The following MYO1H variants were observed in gnomAD, a reference collection of about 807,000 sequenced individuals.
MYO1H encodes myosin IH, also known as unconventional myosin-Ih.
In MYO1H, 118 loss-of-function variants were observed where a neutral mutation model predicts 149.3. The observed-to-expected ratio is 0.79, with a 90% CI of 0.68 to 0.92. The LOEUF (loss-of-function observed/expected upper bound fraction) is 0.92. Ranked by LOEUF, MYO1H falls within the 40% of genes least tolerant of loss-of-function variation. MYO1H has a pLI of 0.00. For synonymous variants in MYO1H, 447 were observed against 465.2 expected, an observed-to-expected ratio of 0.96 and a Z score of 0.50; for missense variants, 1,212 against 1,280.7, an observed-to-expected ratio of 0.95 and a Z score of 0.82.
At chr12:109,425,370 C>T (rs1435476757) in intron 17 of MYO1H, among the ~76,000 whole-genome samples, 1 of 152,146 alleles carries the variant, frequency 6.6e-6, no homozygotes, top group Admixed American at 6.6e-5. Context: ...ATGATATATA[C>T]ATTAACTTAG....
At chr12:109,415,382 G>A (rs1348137770) in intron 14 of MYO1H, 144 bp from the exon 15 acceptor site, 1 of 614,144 alleles carries the variant, frequency 1.6e-6, no homozygotes, top group African/African-American at 1.8e-5. Flanking sequence ...GGCTGAGGCA[G>A]GAGAATCGCT....
chr12:109,319,986 A>T, the MYO1H span, among the ~76,000 whole-genome samples: 1 of 152,174 alleles, frequency 6.6e-6, no homozygotes, highest in Admixed American at 6.5e-5. Context: ...CTAATATGGT[A>T]GCCATGAACC....
chr12:109,339,844 G>A, the MYO1H span, among the ~76,000 whole-genome samples: 2 of 152,190 alleles, frequency 1.3e-5, no homozygotes, highest in Non-Finnish European at 1.5e-5. Flanking sequence ...TAGAAGACAA[G>A]TATCTTTGTG....
intron 1 of MYO1H, among the ~76,000 whole-genome samples, chr12:109,356,063 C>A (rs1184916387): frequency 6.6e-6 from 1 of 152,110 alleles, no homozygotes; most frequent in Non-Finnish European, 1.5e-5. Context: ...CAAGTCACAA[C>A]CACTTTTAAC....
intron 7 of MYO1H, among the ~76,000 whole-genome samples, chr12:109,405,693 T>C (rs1382792405): frequency 1.3e-5 from 2 of 152,240 alleles, no homozygotes; most frequent in Non-Finnish European, 2.9e-5. Flanking sequence ...AAGTGTTTCC[T>C]GCTGGACACT....
chr12:109,326,815 G>A, the MYO1H span, among the ~76,000 whole-genome samples: 2 of 151,980 alleles, frequency 1.3e-5, no homozygotes, highest in East Asian at 1.9e-4. Flanking sequence ...CACCATACCC[G>A]GTCTAGACTC....
At chr12:109,411,034 T>C (rs779199656) in intron 13 of MYO1H, among the ~76,000 whole-genome samples, 13 of 152,114 alleles carry the variant, frequency 8.5e-5, no homozygotes, top group Non-Finnish European at 1.8e-4. Context: ...CCCAGCTACT[T>C]GGGAGGCTGA....
At chr12:109,355,182 AC>A (rs1868561001) in intron 1 of MYO1H, among the ~76,000 whole-genome samples, 1 of 151,616 alleles carries the variant, frequency 6.6e-6, no homozygotes, top group Non-Finnish European at 1.5e-5. Context: ...TTTCTACCCC[AC>A]AGTGTTTGGT....
chr12:109,312,842 G>A, the MYO1H span, among the ~76,000 whole-genome samples: 1 of 151,164 alleles, frequency 6.6e-6, no homozygotes, highest in African/African-American at 2.4e-5. Context: ...CAGGGCCATG[G>A]CACCCTGGGC....
At chr12:109,399,832 T>C (rs952554297) in intron 5 of MYO1H, among the ~76,000 whole-genome samples, 1 of 152,070 alleles carries the variant, frequency 6.6e-6, no homozygotes, top group Non-Finnish European at 1.5e-5. Context: ...GGAGAATTGC[T>C]TGAGCCCAGG....
chr12:109,443,190 ACG>A (rs1263217255), intron 27 of MYO1H, among the ~76,000 whole-genome samples: 1 of 127,678 alleles, frequency 7.8e-6, no homozygotes. Context: ...GTATATGTGT[ACG>A]TATATGTGTG....
the MYO1H span, among the ~76,000 whole-genome samples, chr12:109,319,809 G>A: frequency 5.3e-5 from 8 of 152,228 alleles, no homozygotes; most frequent in Non-Finnish European, 8.8e-5. Flanking sequence ...ACATCATAAC[G>A]AGCAAAACTA....
chr12:109,320,063 C>G, the MYO1H span, among the ~76,000 whole-genome samples: 1 of 152,088 alleles, frequency 6.6e-6, no homozygotes, highest in Non-Finnish European at 1.5e-5. Flanking sequence ...CCTGTAATCC[C>G]AGTGCTTTAG....
At chr12:109,314,712 A>T in the MYO1H span, among the ~76,000 whole-genome samples, 2 of 152,184 alleles carry the variant, frequency 1.3e-5, no homozygotes, top group Non-Finnish European at 2.9e-5. Context: ...ACAGCACCTG[A>T]TGCTAGAAGG....
chr12:109,400,683 TAC>T (rs1316784890), intron 5 of MYO1H, among the ~76,000 whole-genome samples: 1 of 152,206 alleles, frequency 6.6e-6, no homozygotes, highest in East Asian at 1.9e-4. Flanking sequence ...AGTTCACATG[TAC>T]AGTCAGCTGA....
In MYO1H at chr12:109,409,412, A is replaced by G. The variant is rs578139063; in HGVS notation, c.1156-145A>G. 4.0e-6 allele frequency: 3 copies of G among 747,660 alleles called. No individual in the cohort carries two copies. The African/African-American group carries it at 5.2e-5, about 13-fold the overall frequency. The allele number at this position is 747,660 out of a possible 1,614,324, so 46.3% of individuals were successfully genotyped here. A position where few individuals can be genotyped will look rare whatever the true frequency, so the allele number is the denominator to read the frequency against. On this transcript the variant is annotated intron_variant, in intron 10 of 31. Coordinates refer to ENST00000310903, the Ensembl canonical transcript of MYO1H. ...GCAGGAGCAGCAGGCTGGGGAAATTACTTCCACCCAAAGATTTTCCGCATT... is the reference window on the plus strand; with the variant it reads ...GCAGGAGCAGCAGGCTGGGGAAATTGCTTCCACCCAAAGATTTTCCGCATT...
chr12:109,445,312 T>C (rs3742021), intron 30 of MYO1H: 156,432 of 510,922 alleles, frequency 0.31, 25,212 homozygotes, highest in African/African-American at 0.4. Flanking sequence ...TTTGATCTCA[T>C]GGTAACTACA....
intron 1 of MYO1H, among the ~76,000 whole-genome samples, chr12:109,353,606 C>T (rs141110205): frequency 2.7e-4 from 41 of 151,862 alleles, no homozygotes; most frequent in African/African-American, 8.9e-4. Context: ...AAATGTTATC[C>T]GAGTATTATT....
chr12:109,426,996 T>C (rs996536340), intron 18 of MYO1H, among the ~76,000 whole-genome samples: 1 of 152,128 alleles, frequency 6.6e-6, no homozygotes, highest in Admixed American at 6.6e-5. Context: ...ATTTAATTTT[T>C]TCCTATAAAA....
Sources: gnomAD v4.1 joint callset for allele counts (sites outside exome capture counted in the v4.1 genomes callset) on GRCh38, gnomAD v4.1.1 for gene constraint, MANE v1.5 for transcripts, NCBI Gene and HGNC (gene_info 2026-07-23, HGNC 2026-07-21) for gene names.